PCDH7: variants seen among roughly 807,000 people sequenced by gnomAD.
The protein encoded by PCDH7 is protocadherin 7.
A neutral mutation model predicts 58.9 loss-of-function variants in PCDH7; 17 were observed. The observed-to-expected ratio is 0.29, with a 90% CI of 0.20 to 0.43. PCDH7 has a LOEUF of 0.43. PCDH7 is among the 20% of genes least tolerant of loss of function. The probability of loss-of-function intolerance (pLI) is 1.00; values close to 1 mark genes in which losing one functional copy is unlikely to be tolerated. For missense variants in PCDH7, 1,274 were observed against 1,441.0 expected, an observed-to-expected ratio of 0.88 and a Z score of 1.88; for synonymous variants, 664 against 616.4, an observed-to-expected ratio of 1.08 and a Z score of -1.14.
At chr4:30,948,188 A>C (rs1746942801) in intron 2 of PCDH7, among the ~76,000 whole-genome samples, 1 of 151,686 alleles carries the variant, frequency 6.6e-6, no homozygotes, top group South Asian at 2.1e-4. Context: ...AATCTCTCCC[A>C]GTGCACTGCT....
rs140091983 is a variant in PCDH7 at position 31,092,941 on chromosome 4, G to T, written c.*8-49532G>T. Among the ~76,000 whole-genome samples the T allele has an allele frequency of 2.4e-4, 36 of 152,158 alleles. No homozygotes were observed. In the East Asian group the frequency reaches 6.2e-3, roughly 26 times the overall value. On this transcript the variant is annotated intron_variant, in intron 3 of 3. Transcript: ENST00000509759. ...TACACAATTTTGTCTTTATATAGAC[G>T]AAAATATTGCATTCTGTCATTTATC...
chr4:30,784,100 A>G (rs556130409), intron 1 of PCDH7, among the ~76,000 whole-genome samples: 3 of 152,190 alleles, frequency 2.0e-5, no homozygotes, highest in Non-Finnish European at 2.9e-5. Context: ...ACTAGAGCAT[A>G]TCTCCTCAGT....
intron 1 of PCDH7, among the ~76,000 whole-genome samples, chr4:30,796,351 C>A (rs565364091): frequency 8.4e-4 from 128 of 152,160 alleles, no homozygotes; most frequent in African/African-American, 2.9e-3. Context: ...ATTGATAAGC[C>A]CTGATGACTG....
intron 1 of PCDH7, among the ~76,000 whole-genome samples, chr4:30,854,208 C>T (rs956261784): frequency 1.3e-5 from 2 of 150,952 alleles, no homozygotes; most frequent in African/African-American, 4.9e-5. Context: ...AGCCTCTCAA[C>T]CTTGGCACTC....
At chr4:31,062,393 G>T (rs1560613405) in intron 3 of PCDH7, among the ~76,000 whole-genome samples, 1 of 151,666 alleles carries the variant, frequency 6.6e-6, no homozygotes, top group Admixed American at 6.6e-5. Flanking sequence ...TTGGGTGCAG[G>T]ATATTTCTGA....
chr4:31,075,887 A>C (rs772049673), intron 3 of PCDH7, among the ~76,000 whole-genome samples: 2 of 152,184 alleles, frequency 1.3e-5, no homozygotes, highest in Non-Finnish European at 2.9e-5. Flanking sequence ...ATATCCCAGA[A>C]GCAAAATTCA....
chr4:30,946,690 TTGTGTGTGTGTG>T (rs112524366), intron 2 of PCDH7, among the ~76,000 whole-genome samples: 19 of 137,636 alleles, frequency 1.4e-4, no homozygotes, highest in East Asian at 4.4e-4. Flanking sequence ...CTTATCTCTT[TTGTGTGTGTGTG>T]TGTGTGTGTG....
chr4:31,123,162 A>G (rs1008846831), intron 3 of PCDH7, among the ~76,000 whole-genome samples: 8 of 152,246 alleles, frequency 5.3e-5, no homozygotes, highest in Non-Finnish European at 8.8e-5. Flanking sequence ...CTATAAATTT[A>G]TAACAAAAAA....
At chr4:30,993,858 C>T (rs1751654823) in intron 3 of PCDH7, among the ~76,000 whole-genome samples, 1 of 151,804 alleles carries the variant, frequency 6.6e-6, no homozygotes, top group South Asian at 2.1e-4. Flanking sequence ...GCAATGCCCA[C>T]TAAATGTTTA....
At chr4:30,888,805 T>C (rs1456015741) in intron 1 of PCDH7, among the ~76,000 whole-genome samples, 1 of 152,186 alleles carries the variant, frequency 6.6e-6, no homozygotes, top group African/African-American at 2.4e-5. Context: ...CTGGCCAATG[T>C]ATATGAGTAC....
At chr4:30,823,910 G>A (rs556855596) in intron 1 of PCDH7, among the ~76,000 whole-genome samples, 2 of 152,110 alleles carry the variant, frequency 1.3e-5, no homozygotes, top group South Asian at 4.2e-4. Context: ...TTCTTGTTTA[G>A]CTCAGCAAAA....
chr4:30,736,615 A>T (rs142584822), downstream of PCDH7, among the ~76,000 whole-genome samples: 1,876 of 148,392 alleles, frequency 0.013, 33 homozygotes, highest in African/African-American at 0.045. Flanking sequence ...GGCTCACTGC[A>T]AGCTCCGCCT....
chr4:30,793,765 C>T (rs1326208640), intron 1 of PCDH7, among the ~76,000 whole-genome samples: 1 of 152,062 alleles, frequency 6.6e-6, no homozygotes. Context: ...ATTTTTAATT[C>T]CAAATGACCA....
At chr4:30,911,236 C>A (rs368299634) in intron 1 of PCDH7, among the ~76,000 whole-genome samples, 1 of 151,692 alleles carries the variant, frequency 6.6e-6, no homozygotes, top group East Asian at 1.9e-4. Flanking sequence ...TGCAGCGAAC[C>A]ACCAGGGCAT....
intron 3 of PCDH7, among the ~76,000 whole-genome samples, chr4:31,140,978 G>A (rs1720182117): frequency 6.6e-6 from 1 of 152,158 alleles, no homozygotes; most frequent in South Asian, 2.1e-4. Flanking sequence ...TTAGTCAAGG[G>A]CATAAAAATC....
intron 1 of PCDH7, among the ~76,000 whole-genome samples, chr4:30,784,902 C>T (rs917006356): frequency 6.6e-6 from 1 of 151,904 alleles, no homozygotes; most frequent in Non-Finnish European, 1.5e-5. Context: ...CAAAGATAAC[C>T]TTGTGATTTC....
chr4:31,123,022 A>G (rs1257238388), intron 3 of PCDH7, among the ~76,000 whole-genome samples: 1 of 151,972 alleles, frequency 6.6e-6, no homozygotes, highest in Non-Finnish European at 1.5e-5. Context: ...TTTTATAATT[A>G]TTTTTCTAAG....
chr4:31,057,858 A>G (rs961118564), intron 3 of PCDH7, among the ~76,000 whole-genome samples: 1 of 152,118 alleles, frequency 6.6e-6, no homozygotes, highest in Admixed American at 6.6e-5. Flanking sequence ...TTACTCTCTT[A>G]AAGAGGAGAC....
chr4:30,825,198 A>G (rs1056127321), intron 1 of PCDH7, among the ~76,000 whole-genome samples: 2 of 152,102 alleles, frequency 1.3e-5, no homozygotes, highest in Admixed American at 1.3e-4. Flanking sequence ...TAGTGCTTTG[A>G]CATTGTTGAG....
Sources: allele counts gnomAD v4.1 joint callset (sites outside exome capture counted in the v4.1 genomes callset), GRCh38; gene constraint gnomAD v4.1.1; transcripts MANE v1.5; gene names NCBI Gene and HGNC (gene_info 2026-07-23, HGNC 2026-07-21).